Variants in CSMD1 observed in about 807,000 individuals in gnomAD.
CSMD1 encodes the protein CUB and sushi domain-containing protein 1.
Under a neutral mutation model 417.5 loss-of-function variants are expected in CSMD1, and 213 were observed. The ratio of observed to expected loss-of-function variants is 0.51; its 90% CI spans 0.46 to 0.57. CSMD1 has a LOEUF of 0.57. Ranked by LOEUF, CSMD1 falls within the 20% of genes least tolerant of loss-of-function variation. The pLI is 0.00. For synonymous variants in CSMD1, 2,862 were observed against 1,736.8 expected, an observed-to-expected ratio of 1.65 and a Z score of -16.11; for missense variants, 6,923 against 4,529.7, an observed-to-expected ratio of 1.53 and a Z score of -15.17.
Position 4,959,037 on chromosome 8 carries a change from C to T in CSMD1, c.85+35295G>A, listed in dbSNP as rs145595214. 1.5e-4 allele frequency among the ~76,000 whole-genome samples: 23 copies of T among 152,162 alleles called. 1 individual carries two copies. The East Asian group carries it at 4.1e-3, about 27-fold the overall frequency. ...CTTTAACTGAGATTATCAAGCCATG[C>T]TATATAGTATATGTCATCAAATGGA... On this transcript the variant is annotated intron_variant, in intron 1 of 69. Coordinates refer to ENST00000635120, the MANE Select transcript of CSMD1 (RefSeq NM_033225.6).
chr8:3,731,574 A>G (rs1464039773), intron 6 of CSMD1, among the ~76,000 whole-genome samples: 2 of 152,192 alleles, frequency 1.3e-5, no homozygotes, highest in East Asian at 3.9e-4. Flanking sequence ...AAGAATCTAA[A>G]ATAGGTTTTT....
At chr8:3,922,255 C>G (rs1299060585) in intron 5 of CSMD1, among the ~76,000 whole-genome samples, 2 of 151,912 alleles carry the variant, frequency 1.3e-5, no homozygotes, top group Non-Finnish European at 2.9e-5. Flanking sequence ...TTACTTTCAA[C>G]CTATGTGTGC....
intron 3 of CSMD1, among the ~76,000 whole-genome samples, chr8:4,377,919 G>A (rs1802859377): frequency 6.6e-6 from 1 of 152,128 alleles, no homozygotes; most frequent in Admixed American, 6.5e-5. Context: ...ACTTAAATTG[G>A]GAGGTACTTA....
chr8:3,007,182 A>G (rs1253137438), intron 52 of CSMD1, among the ~76,000 whole-genome samples: 3 of 150,168 alleles, frequency 2.0e-5, no homozygotes, highest in Non-Finnish European at 3.0e-5. Flanking sequence ...AATGCTCATC[A>G]TCACTGGCCA....
intron 27 of CSMD1, among the ~76,000 whole-genome samples, chr8:3,229,648 A>G (rs564506322): frequency 6.8e-4 from 103 of 152,310 alleles, no homozygotes; most frequent in South Asian, 1.4e-3. Flanking sequence ...ACATCTAAAA[A>G]GAGAAAGTAC....
chr8:3,429,052 A>T (rs1814038909), intron 12 of CSMD1, among the ~76,000 whole-genome samples: 1 of 152,104 alleles, frequency 6.6e-6, no homozygotes, highest in Non-Finnish European at 1.5e-5. Context: ...GGAGGACAGG[A>T]ATGGGGAGAG....
intron 50 of CSMD1, among the ~76,000 whole-genome samples, chr8:3,041,898 C>T (rs1298108865): frequency 2.0e-5 from 3 of 152,196 alleles, no homozygotes; most frequent in Non-Finnish European, 4.4e-5. Flanking sequence ...AAACGTTATG[C>T]TCATTTCTAA....
At chr8:4,887,449 C>A (rs185831586) in intron 1 of CSMD1, among the ~76,000 whole-genome samples, 1 of 151,986 alleles carries the variant, frequency 6.6e-6, no homozygotes, top group Admixed American at 6.5e-5. Context: ...ATTTTTTTCA[C>A]TTGGCTACTT....
chr8:3,846,790 C>T (rs946330970), intron 5 of CSMD1, among the ~76,000 whole-genome samples: 41 of 152,246 alleles, frequency 2.7e-4, no homozygotes, highest in African/African-American at 9.4e-4. Flanking sequence ...TCTCCTGTCT[C>T]AGCCTCCCAA....
intron 45 of CSMD1, 75 bp from the exon 46 acceptor site, chr8:3,106,716 A>G: frequency 1.4e-6 from 1 of 720,460 alleles, no homozygotes; most frequent in Non-Finnish European, 2.4e-6. Context: ...CACATGTAGG[A>G]CTACTTAAAT....
intron 3 of CSMD1, among the ~76,000 whole-genome samples, chr8:4,320,746 C>G (rs988163765): frequency 3.3e-5 from 5 of 152,036 alleles, no homozygotes; most frequent in African/African-American, 1.2e-4. Context: ...TTTTATTTAC[C>G]CAGTCTATCA....
intron 1 of CSMD1, among the ~76,000 whole-genome samples, chr8:4,725,106 T>C (rs949173860): frequency 6.6e-6 from 1 of 152,216 alleles, no homozygotes; most frequent in African/African-American, 2.4e-5. Context: ...AAATTAAATG[T>C]ATCCTGAAAG....
chr8:4,942,052 C>T (rs930694301), intron 1 of CSMD1, among the ~76,000 whole-genome samples: 3 of 152,186 alleles, frequency 2.0e-5, no homozygotes, highest in Admixed American at 2.0e-4. Context: ...TTGTCTGGCT[C>T]TTCTACTTTA....
intron 3 of CSMD1, among the ~76,000 whole-genome samples, chr8:4,087,921 A>G (rs1372883397): frequency 6.6e-6 from 1 of 152,166 alleles, no homozygotes; most frequent in East Asian, 1.9e-4. Context: ...CCTGAGGTCA[A>G]AATTTCCCCT....
chr8:4,484,433 G>C (rs894416119), intron 2 of CSMD1, among the ~76,000 whole-genome samples: 2 of 152,034 alleles, frequency 1.3e-5, no homozygotes, highest in East Asian at 3.9e-4. Flanking sequence ...AGAGGGATGG[G>C]GGTTTTCCTT....
chr8:4,144,207 T>C (rs1027713011), intron 3 of CSMD1, among the ~76,000 whole-genome samples: 1 of 151,038 alleles, frequency 6.6e-6, no homozygotes, highest in East Asian at 1.9e-4. Context: ...CCCCTAGATC[T>C]TGGGCTTCTT....
intron 3 of CSMD1, among the ~76,000 whole-genome samples, chr8:4,181,195 A>C (rs528556700): frequency 6.6e-6 from 1 of 152,280 alleles, no homozygotes; most frequent in Admixed American, 6.5e-5. Context: ...ATAAATAGAC[A>C]TCCCATATAG....
At chr8:3,686,376 C>T (rs1020049770) in intron 7 of CSMD1, among the ~76,000 whole-genome samples, 19 of 152,124 alleles carry the variant, frequency 1.2e-4, no homozygotes, top group African/African-American at 3.9e-4. Flanking sequence ...TAGGGAGGTG[C>T]CGCCACACTG....
intron 2 of CSMD1, among the ~76,000 whole-genome samples, chr8:4,524,928 C>G (rs1013212961): frequency 2.6e-5 from 4 of 152,144 alleles, no homozygotes; most frequent in Non-Finnish European, 5.9e-5. Context: ...TTGCCACATT[C>G]AAAGCCACAC....
Sources: gnomAD v4.1 joint callset for allele counts (sites outside exome capture counted in the v4.1 genomes callset) on GRCh38, gnomAD v4.1.1 for gene constraint, MANE v1.5 for transcripts, NCBI Gene and HGNC (gene_info 2026-07-23, HGNC 2026-07-21) for gene names.